PTPRK: variants seen among roughly 807,000 people sequenced by gnomAD.
The protein encoded by PTPRK is receptor-type tyrosine-protein phosphatase kappa.
PTPRK carries 75 observed loss-of-function variants against 178.0 expected under a neutral mutation model. That is an observed-to-expected ratio of 0.42 (90% CI 0.35 to 0.51). The LOEUF (loss-of-function observed/expected upper bound fraction) is 0.51. Ranked by LOEUF, PTPRK falls within the 20% of genes least tolerant of loss-of-function variation. The probability of loss-of-function intolerance (pLI) is 0.02; values close to 1 mark genes in which losing one functional copy is unlikely to be tolerated. For synonymous variants in PTPRK, 637 were observed against 620.6 expected (o/e 1.03, Z -0.39); for missense variants, 1,441 against 1,797.8 (o/e 0.80, Z 3.59).
intron 3 of PTPRK, among the ~76,000 whole-genome samples, chr6:128,278,660 T>C (rs1448943923): frequency 6.6e-6 from 1 of 152,212 alleles, no homozygotes; most frequent in East Asian, 1.9e-4. Flanking sequence ...CTGGGCTTGG[T>C]CTTTAGATTT....
intron 3 of PTPRK, among the ~76,000 whole-genome samples, chr6:128,250,209 C>A (rs550803098): frequency 6.6e-6 from 1 of 152,084 alleles, no homozygotes; most frequent in South Asian, 2.1e-4. Context: ...TTATCAGCAG[C>A]GTGAAAATGA....
intron 7 of PTPRK, among the ~76,000 whole-genome samples, chr6:128,107,527 T>C (rs79492093): frequency 0.026 from 3,902 of 152,228 alleles, 76 homozygotes; most frequent in Middle Eastern, 0.092. Context: ...AGAAATAAAT[T>C]GTATTTCTTC....
chr6:128,278,259 C>T (rs1023021878), intron 3 of PTPRK, among the ~76,000 whole-genome samples: 6 of 151,864 alleles, frequency 4.0e-5, no homozygotes, highest in South Asian at 2.1e-4. Context: ...TGGGTTCATG[C>T]GATTCTCCTG....
intron 5 of PTPRK, among the ~76,000 whole-genome samples, chr6:128,227,101 G>A (rs1011396298): frequency 1.3e-5 from 2 of 152,054 alleles, no homozygotes; most frequent in Non-Finnish European, 2.9e-5. Flanking sequence ...TCTATGGAAG[G>A]CAAAGTTTTG....
intron 7 of PTPRK, among the ~76,000 whole-genome samples, chr6:128,139,737 G>A (rs1042702717): frequency 3.3e-5 from 5 of 152,062 alleles, no homozygotes; most frequent in Non-Finnish European, 7.4e-5. Flanking sequence ...TCAACATCCA[G>A]GAGCTCTGAG....
chr6:128,424,458 A>G (rs1843865919), intron 1 of PTPRK, among the ~76,000 whole-genome samples: 1 of 152,210 alleles, frequency 6.6e-6, no homozygotes, highest in South Asian at 2.1e-4. Context: ...GTCGTATAAA[A>G]TCAGACTAGT....
Position 128,226,566 on chromosome 6 carries a change from T to C in PTPRK, c.694-7470A>G, listed in dbSNP as rs182828455. Among the ~76,000 whole-genome samples the C allele has an allele frequency of 3.2e-3, 492 of 152,036 alleles. 2 individuals are homozygous for C. Among genetic ancestry groups the C allele is most frequent in the African/African-American group, 0.011 (461 of 41,474 alleles). ...GACCAGGGGTGAGGCTTCTCCGAAG[T>C]AGAAGAAATTCTACCAGTGAACAAC... On this transcript the variant is annotated intron_variant, in intron 5 of 29. Coordinates refer to ENST00000368226, the MANE Select transcript of PTPRK (RefSeq NM_002844.4).
intron 1 of PTPRK, among the ~76,000 whole-genome samples, chr6:128,459,579 T>C (rs1436588436): frequency 6.6e-6 from 1 of 152,208 alleles, no homozygotes; most frequent in East Asian, 1.9e-4. Flanking sequence ...GGCCCTGTAC[T>C]CTATAGACTG....
At chr6:128,018,194 T>G (rs1779832239) in intron 13 of PTPRK, among the ~76,000 whole-genome samples, 1 of 152,080 alleles carries the variant, frequency 6.6e-6, no homozygotes, top group Non-Finnish European at 1.5e-5. Context: ...TTTACATAGT[T>G]ACCAATACAT....
At chr6:128,219,201 G>C (rs1409207287) in intron 5 of PTPRK, 105 bp from the exon 6 acceptor site, 1 of 1,098,478 alleles carries the variant, frequency 9.1e-7, no homozygotes, top group African/African-American at 1.6e-5. Context: ...TGTTGCAAAA[G>C]AGCCACAATT....
At chr6:128,122,339 T>C (rs910741623) in intron 7 of PTPRK, among the ~76,000 whole-genome samples, 1 of 152,046 alleles carries the variant, frequency 6.6e-6, no homozygotes, top group Non-Finnish European at 1.5e-5. Flanking sequence ...AAACATTTAA[T>C]AGAGAAGATA....
chr6:128,122,315 T>C (rs1792608027), intron 7 of PTPRK, among the ~76,000 whole-genome samples: 1 of 151,990 alleles, frequency 6.6e-6, no homozygotes, highest in Admixed American at 6.6e-5. Flanking sequence ...AGAAGGTAAA[T>C]CATTTTCAGA....
At chr6:128,195,783 T>C (rs1234307704) in intron 6 of PTPRK, among the ~76,000 whole-genome samples, 2 of 152,124 alleles carry the variant, frequency 1.3e-5, no homozygotes, top group Non-Finnish European at 2.9e-5. Flanking sequence ...CAGAGACTTA[T>C]TTAAAGATCT....
intron 2 of PTPRK, among the ~76,000 whole-genome samples, chr6:128,390,705 A>G (rs1190114723): frequency 6.6e-6 from 1 of 152,122 alleles, no homozygotes; most frequent in Non-Finnish European, 1.5e-5. Flanking sequence ...CAATTATTCT[A>G]TCACTCTCTG....
At chr6:128,476,863 T>C (rs1271937714) in intron 1 of PTPRK, among the ~76,000 whole-genome samples, 4 of 151,092 alleles carry the variant, frequency 2.6e-5, no homozygotes, top group Non-Finnish European at 4.4e-5. Flanking sequence ...TCAACGAGTA[T>C]GGGTACTTTC....
intron 4 of PTPRK, among the ~76,000 whole-genome samples, chr6:128,240,515 A>G (rs1814218251): frequency 6.6e-6 from 1 of 152,208 alleles, no homozygotes; most frequent in African/African-American, 2.4e-5. Flanking sequence ...ATTGACATGA[A>G]ATCAGAACCT....
Position 128,242,561 on chromosome 6 carries a change from A to G in PTPRK, c.537T>C (p.Tyr179=). ...GTACTTGGATGTCATCAATGGCAAT[A>G]TAACCACTTCTCCCTCCTGAGACTT... ...EAEVSGGRSG[Y]IAIDDIQVLS... Residue 179 remains tyrosine (Y), a synonymous_variant, in exon 4 of 30, where the codon TAT becomes TAC. Coordinates refer to ENST00000368226, the MANE Select transcript of PTPRK (RefSeq NM_002844.4). 6.2e-7 allele frequency: 1 copy of G among 1,613,140 alleles called. No homozygotes were observed. Among genetic ancestry groups the G allele is most frequent in the Non-Finnish European group, 8.5e-7 (1 of 1,179,610 alleles).
chr6:128,131,919 A>G (rs898931838), intron 7 of PTPRK, among the ~76,000 whole-genome samples: 3 of 152,184 alleles, frequency 2.0e-5, no homozygotes, highest in Admixed American at 6.5e-5. Flanking sequence ...GAAAAATATC[A>G]TACTGGTTAA....
intron 7 of PTPRK, among the ~76,000 whole-genome samples, chr6:128,161,090 A>T (rs1798644423): frequency 6.6e-6 from 1 of 151,668 alleles, no homozygotes; most frequent in African/African-American, 2.4e-5. Flanking sequence ...CGGTTAAACA[A>T]ATATGATCAC....
Sources: gnomAD v4.1 joint callset for allele counts (sites outside exome capture counted in the v4.1 genomes callset) on GRCh38, gnomAD v4.1.1 for gene constraint, MANE v1.5 for transcripts, NCBI Gene and HGNC (gene_info 2026-07-23, HGNC 2026-07-21) for gene names.